The following USP33 variants were observed in gnomAD, a reference collection of about 807,000 sequenced individuals.
The protein encoded by USP33 is ubiquitin carboxyl-terminal hydrolase 33.
In USP33, 46 loss-of-function variants were observed where a neutral mutation model predicts 124.2. The ratio of observed to expected loss-of-function variants is 0.37; its 90% CI spans 0.29 to 0.47. USP33 has a LOEUF of 0.47. Among genes scored for constraint, USP33 ranks in the 20% least tolerant of loss-of-function variants. USP33 has a pLI of 0.99. For synonymous variants in USP33, 350 were observed against 352.3 expected, an observed-to-expected ratio of 0.99 and a Z score of 0.07; for missense variants, 851 against 1,070.6, an observed-to-expected ratio of 0.79 and a Z score of 2.86.
At chr1:77,741,584 A>C (rs1679120799) in intron 2 of USP33, 33 bp downstream of exon 2, 2 of 1,563,940 alleles carry the variant, frequency 1.3e-6, no homozygotes, top group Admixed American at 4.2e-5. Flanking sequence ...AAAAGTGAAT[A>C]GTTTTTCAAG....
intron 21 of USP33, among the ~76,000 whole-genome samples, chr1:77,709,077 A>G (rs1472511542): frequency 2.0e-5 from 3 of 152,198 alleles, no homozygotes; most frequent in African/African-American, 4.8e-5. Flanking sequence ...TTTGTAATTA[A>G]TAAGTGTTTA....
chr1:77,743,109 C>T (rs966861259), intron 1 of USP33, among the ~76,000 whole-genome samples: 68 of 151,826 alleles, frequency 4.5e-4, no homozygotes, highest in African/African-American at 1.6e-3. Context: ...CACCCGACCA[C>T]TTTTTTTGTA....
In USP33 at chr1:77,725,808, T is replaced by G; in HGVS notation, c.1136-46A>C. The stretch of plus-strand genomic sequence containing the variant: ...ATTATTACCTTAAATAGTAAAATTA[T>G]TCTAACTGTCCAATAATGTTAAAGG... On this transcript the variant is annotated intron_variant, in intron 10 of 23. Coordinates refer to ENST00000370794, the MANE Select transcript of USP33 (RefSeq NM_201624.3). 2.0e-6 allele frequency: 3 copies of G among 1,514,756 alleles called. No individual in the cohort carries two copies. In the South Asian group the frequency reaches 3.7e-5, roughly 19 times the overall value. The allele number at this position is 1,514,756 out of a possible 1,614,324, so 93.8% of individuals were successfully genotyped here.
chr1:77,701,374 T>C lies in USP33; in HGVS notation c.2504A>G (p.Asp835Gly), dbSNP rs761241567. 5 of 1,608,130 alleles carry C rather than the reference T, an allele frequency of 3.1e-6. No individual in the cohort carries two copies. Among genetic ancestry groups the C allele is most frequent in the South Asian group, 1.1e-5 (1 of 89,740 alleles). The stretch of plus-strand genomic sequence containing the variant: ...TTTTTCAGTCAACCACTTACCTCCA[T>C]CTTTACCCTTCACAAAACTTTCCCA... The part of the protein sequence containing the change: ...REWESFVKGK[D>G]GDPPGPIDNT... Residue 835 changes from aspartate to glycine, a missense_variant, in exon 22 of 24, where the codon GAT becomes GGT. Transcript: ENST00000370794.
At chr1:77,732,109 T>TA (rs77932938) in intron 7 of USP33, among the ~76,000 whole-genome samples, 5,757 of 128,906 alleles carry the variant, frequency 0.045, 205 homozygotes, top group African/African-American at 0.12. Context: ...GTCTCTAACT[T>TA]AAAAAAAAAA....
Position 77,757,700 on chromosome 1 carries a change from G to A in USP33, c.-52+1943C>T, listed in dbSNP as rs1570888751. 2.0e-5 allele frequency among the ~76,000 whole-genome samples: 3 copies of A among 152,338 alleles called. No homozygotes were observed. The South Asian group carries it at 6.2e-4, about 32-fold the overall frequency. ...GTCTTGTCATATGTTATAGTTCACAGTGCTCCAATCTTAATCTATCTGAAT... is the reference window on the plus strand; with the variant it reads ...GTCTTGTCATATGTTATAGTTCACAATGCTCCAATCTTAATCTATCTGAAT... On this transcript the variant is annotated intron_variant, in intron 1 of 23. Transcript: ENST00000370794.
intron 1 of USP33, among the ~76,000 whole-genome samples, chr1:77,757,135 A>T (rs781198066): frequency 3.3e-5 from 5 of 152,194 alleles, no homozygotes; most frequent in Admixed American, 2.0e-4. Flanking sequence ...TTCAAAGCTC[A>T]CTCATCTCAA....
intron 21 of USP33, among the ~76,000 whole-genome samples, chr1:77,706,984 G>A (rs72683682): frequency 0.045 from 6,805 of 152,214 alleles, 231 homozygotes; most frequent in Non-Finnish European, 0.069. Context: ...CAGCCCCCTG[G>A]CCATTTTGAG....
At chr1:77,724,014 A>G (rs1272581398) in intron 11 of USP33, among the ~76,000 whole-genome samples, 2 of 151,998 alleles carry the variant, frequency 1.3e-5, no homozygotes, top group Admixed American at 1.3e-4. Flanking sequence ...AAATGTACAT[A>G]TGAGAAAATG....
At chr1:77,754,935 A>G (rs1680663706) in intron 1 of USP33, among the ~76,000 whole-genome samples, 2 of 152,236 alleles carry the variant, frequency 1.3e-5, no homozygotes, top group Non-Finnish European at 2.9e-5. Context: ...CATTTCCTAT[A>G]AAGATTTTTA....
At position 77,736,162 on chromosome 1, in the gene USP33, G is replaced by T; in HGVS notation, c.352-4C>A. ...TATTACTGGGTATTTTAAAATCCTT[G>T]ATAACAAAAAAAGATAGCACACTTG... On this transcript the variant is annotated splice_region_variant and splice_polypyrimidine_tract_variant and intron_variant, in intron 5 of 23. Transcript: ENST00000370794. 1 of 1,590,980 alleles carries T rather than the reference G, an allele frequency of 6.3e-7. No homozygotes were observed. The highest frequency in any genetic ancestry group is 1.7e-5 in the Admixed American group (1 of 57,894).
intron 21 of USP33, among the ~76,000 whole-genome samples, chr1:77,704,932 T>A (rs1674448207): frequency 6.6e-6 from 1 of 152,122 alleles, no homozygotes; most frequent in Admixed American, 6.5e-5. Flanking sequence ...GCTAAGGTCA[T>A]CATCCGTATC....
chr1:77,717,691 G>T (rs756082850), intron 17 of USP33, 176 bp downstream of exon 17: 1 of 385,270 alleles, frequency 2.6e-6, no homozygotes, highest in Non-Finnish European at 4.5e-6. Context: ...TATTTATTTT[G>T]TAGAGATGGG....
chr1:77,722,920 G>A (rs997451953), intron 12 of USP33, among the ~76,000 whole-genome samples: 3 of 152,050 alleles, frequency 2.0e-5, no homozygotes, highest in African/African-American at 7.2e-5. Flanking sequence ...CCTAAACATG[G>A]AAAAATATTT....
chr1:77,730,019 G>C, intron 8 of USP33, 81 bp from the exon 9 acceptor site: 6 of 1,256,484 alleles, frequency 4.8e-6, no homozygotes, highest in Non-Finnish European at 6.7e-6. Flanking sequence ...ATAATTCAAA[G>C]TGTTAAATAA....
At chr1:77,713,522 C>A (rs1675508586) in intron 19 of USP33, 3 of 328,130 alleles carry the variant, frequency 9.1e-6, no homozygotes, top group Non-Finnish European at 1.6e-5. Context: ...GTAGCTGGGA[C>A]TACAGGCATG....
Position 77,759,836 on chromosome 1 carries a change from C to A in USP33, c.-245G>T, listed in dbSNP as rs1681169198. ...TGGCCACTTCCCGCAGCAGCCGCGG[C>A]TCCTTCCGGTGTCTCCGGGGCCGCC... is the stretch of plus-strand genomic sequence containing the variant. On this transcript the variant is annotated 5_prime_UTR_variant, in exon 1 of 24. Coordinates refer to ENST00000370794, the MANE Select transcript of USP33 (RefSeq NM_201624.3). 2.5e-6 allele frequency: 1 copy of A among 396,548 alleles called. No homozygotes were observed. The highest frequency in any genetic ancestry group is 2.1e-5 in the African/African-American group (1 of 48,650). The allele number at this position is 396,548 out of a possible 1,614,324, so 24.6% of individuals were successfully genotyped here. A position where few individuals can be genotyped will look rare whatever the true frequency, so the allele number is the denominator to read the frequency against.
At chr1:77,704,616 T>C (rs561239480) in intron 21 of USP33, among the ~76,000 whole-genome samples, 3 of 152,318 alleles carry the variant, frequency 2.0e-5, no homozygotes, top group South Asian at 4.1e-4. Context: ...AAATACATAA[T>C]AGAAAAACAA....
chr1:77,734,680 T>G (rs1047131557), intron 6 of USP33, among the ~76,000 whole-genome samples: 1 of 152,202 alleles, frequency 6.6e-6, no homozygotes, highest in Non-Finnish European at 1.5e-5. Context: ...AGACTACGTG[T>G]TTTTAAAAAG....
Sources: allele counts gnomAD v4.1 joint callset (sites outside exome capture counted in the v4.1 genomes callset), GRCh38; gene constraint gnomAD v4.1.1; transcripts MANE v1.5; gene names NCBI Gene and HGNC (gene_info 2026-07-23, HGNC 2026-07-21).